ARMC2: variants seen among roughly 807,000 people sequenced by gnomAD.
ARMC2 encodes the protein armadillo repeat-containing protein 2.
In ARMC2, 67 loss-of-function variants were observed where a neutral mutation model predicts 90.3. The ratio of observed to expected loss-of-function variants is 0.74; its 90% CI spans 0.61 to 0.91. The LOEUF (loss-of-function observed/expected upper bound fraction) is 0.91. Among genes scored for constraint, ARMC2 ranks in the 40% least tolerant of loss-of-function variants. The pLI, the probability that ARMC2 is intolerant of heterozygous loss-of-function variation, is 0.00. For missense variants in ARMC2, 920 were observed against 1,030.9 expected (o/e 0.89, Z 1.47); for synonymous variants, 393 against 393.0 (o/e 1.00, Z 0.00).
chr6:108,994,117 C>G, the ARMC2 span, among the ~76,000 whole-genome samples: 1 of 119,774 alleles, frequency 8.3e-6, no homozygotes, highest in South Asian at 2.6e-4. Flanking sequence ...TTCAGCCTGG[C>G]AACAAAGCAA....
the ARMC2 span, among the ~76,000 whole-genome samples, chr6:109,023,787 A>G: frequency 6.6e-6 from 1 of 152,238 alleles, no homozygotes; most frequent in Non-Finnish European, 1.5e-5. Flanking sequence ...AAAATGTAAC[A>G]TTTTATGTAA....
chr6:108,908,889 G>A (rs145380019), intron 8 of ARMC2, among the ~76,000 whole-genome samples: 1,738 of 152,116 alleles, frequency 0.011, 6 homozygotes, highest in South Asian at 0.032. Flanking sequence ...GGCCAACATG[G>A]TGAAACCCTG....
chr6:108,864,498 T>G (rs971140612), intron 3 of ARMC2, among the ~76,000 whole-genome samples: 3 of 152,150 alleles, frequency 2.0e-5, no homozygotes, highest in African/African-American at 7.2e-5. Flanking sequence ...CCACCTGCCT[T>G]GGCCTCCCAA....
chr6:108,964,985 T>C lies in ARMC2; in HGVS notation c.2291T>C (p.Val764Ala). ...LKEGGGIKKL[V>A]DCLRDLGPTD... ...TTTGAATTTTATTAACTCAGGTTAG[T>C]GGACTGTTTAAGAGATTTGGGTCCT... Residue 764 changes from valine (V) to alanine (A), a missense_variant, in exon 17 of 18, where the codon GTG (valine) becomes GCG (alanine). By Grantham distance (64) the Val-to-Ala change is moderately conservative. Coordinates refer to ENST00000392644, the MANE Select transcript of ARMC2 (RefSeq NM_032131.6). 6.2e-7 allele frequency: 1 copy of C among 1,603,978 alleles called. No homozygotes were observed. Among genetic ancestry groups the C allele is most frequent in the Non-Finnish European group, 8.5e-7 (1 of 1,171,520 alleles).
chr6:108,860,865 T>TA (rs1322602208), intron 3 of ARMC2, among the ~76,000 whole-genome samples: 3 of 152,236 alleles, frequency 2.0e-5, no homozygotes, highest in Middle Eastern at 3.4e-3. Flanking sequence ...TCCTGGATGT[T>TA]AAAGTCTGGT....
chr6:109,036,417 G>A, the ARMC2 span, among the ~76,000 whole-genome samples: 1 of 152,092 alleles, frequency 6.6e-6, no homozygotes, highest in African/African-American at 2.4e-5. Context: ...ATCATTCTTT[G>A]CCTAATAAAA....
chr6:108,945,742 A>G (rs1776759548), intron 12 of ARMC2, among the ~76,000 whole-genome samples: 1 of 152,390 alleles, frequency 6.6e-6, no homozygotes, highest in South Asian at 2.1e-4. Context: ...ATGTCTGAAC[A>G]GTGTGGGCTG....
At chr6:109,036,213 A>G in the ARMC2 span, among the ~76,000 whole-genome samples, 1 of 152,240 alleles carries the variant, frequency 6.6e-6, no homozygotes, top group African/African-American at 2.4e-5. Context: ...TCATAGAAAC[A>G]TTGCTAAAAT....
At chr6:108,971,035 CA>C (rs1778731897) in intron 17 of ARMC2, among the ~76,000 whole-genome samples, 1 of 151,844 alleles carries the variant, frequency 6.6e-6, no homozygotes. Context: ...CCAGCCTGGG[CA>C]ACATGGCAAA....
intron 12 of ARMC2, among the ~76,000 whole-genome samples, chr6:108,942,921 G>GA (rs891267314): frequency 5.9e-5 from 9 of 152,004 alleles, no homozygotes; most frequent in African/African-American, 1.9e-4. Flanking sequence ...AGAAAGAAAA[G>GA]AAAAAAACCC....
the ARMC2 span, among the ~76,000 whole-genome samples, chr6:109,020,092 C>A: frequency 5.3e-5 from 8 of 152,310 alleles, no homozygotes; most frequent in South Asian, 2.1e-4. Flanking sequence ...AACAAAAACA[C>A]AAACTTAGCA....
the ARMC2 span, among the ~76,000 whole-genome samples, chr6:109,035,534 C>CT: frequency 6.6e-6 from 1 of 150,692 alleles, no homozygotes; most frequent in Non-Finnish European, 1.5e-5. Context: ...AAAGATGTGA[C>CT]TACCCGGCAG....
chr6:108,894,665 C>A, intron 6 of ARMC2, 122 bp downstream of exon 6: 8 of 701,082 alleles, frequency 1.1e-5, no homozygotes, highest in Non-Finnish European at 1.7e-5. Flanking sequence ...GGTCACAAAT[C>A]AACATTTATT....
intron 11 of ARMC2, 29 bp from the exon 12 acceptor site, chr6:108,936,871 C>T: frequency 6.5e-7 from 1 of 1,534,418 alleles, no homozygotes. Context: ...CAAAGTTTAC[C>T]TTTATTTTCC....
At chr6:108,937,119 T>G (rs2128492740) in intron 12 of ARMC2, 120 bp downstream of exon 12, 1 of 868,984 alleles carries the variant, frequency 1.2e-6, no homozygotes, top group Non-Finnish European at 1.7e-6. Flanking sequence ...TTCCATTAAA[T>G]GTATAATGGG....
intron 3 of ARMC2, 111 bp from the exon 4 acceptor site, chr6:108,868,713 G>A: frequency 1.1e-6 from 1 of 926,222 alleles, no homozygotes; most frequent in Non-Finnish European, 1.6e-6. Flanking sequence ...CCAAGATGAA[G>A]GCAGGCAGAT....
chr6:109,046,116 T>TCTCCCC, the ARMC2 span, among the ~76,000 whole-genome samples: 2 of 151,940 alleles, frequency 1.3e-5, no homozygotes, highest in African/African-American at 4.8e-5. Context: ...TCCCTCTCCC[T>TCTCCCC]CTCCCCACGG....
chr6:108,930,903 CTT>C (rs533786819), intron 11 of ARMC2, among the ~76,000 whole-genome samples: 9 of 140,224 alleles, frequency 6.4e-5, no homozygotes, highest in Non-Finnish European at 9.3e-5. Flanking sequence ...CCCCCACCCC[CTT>C]TTTTTTTTTT....
chr6:108,943,908 T>A (rs1035736018), intron 12 of ARMC2, among the ~76,000 whole-genome samples: 12 of 151,898 alleles, frequency 7.9e-5, no homozygotes, highest in Non-Finnish European at 1.3e-4. Context: ...TAATTAAAAA[T>A]TTTTTTAAAT....
Sources: allele counts gnomAD v4.1 joint callset (sites outside exome capture counted in the v4.1 genomes callset), GRCh38; gene constraint gnomAD v4.1.1; transcripts MANE v1.5; gene names NCBI Gene and HGNC (gene_info 2026-07-23, HGNC 2026-07-21).